Variants in PDLIM3 observed in about 807,000 individuals in gnomAD.
PDLIM3 encodes the protein PDZ and LIM domain protein 3.
PDLIM3 carries 36 observed loss-of-function variants against 37.3 expected under a neutral mutation model. The observed-to-expected ratio is 0.97, with a 90% CI of 0.74 to 1.28. The LOEUF is 1.28. Among genes scored for constraint, PDLIM3 ranks in the 50% most tolerant of loss-of-function variants. PDLIM3 has a pLI of 0.00. For synonymous variants in PDLIM3, 174 were observed against 182.4 expected, an observed-to-expected ratio of 0.95 and a Z score of 0.37; for missense variants, 454 against 485.0, an observed-to-expected ratio of 0.94 and a Z score of 0.60.
At chr4:185,534,493 A>G (rs2095749987) in intron 1 of PDLIM3, among the ~76,000 whole-genome samples, 1 of 152,268 alleles carries the variant, frequency 6.6e-6, no homozygotes, top group Non-Finnish European at 1.5e-5. Context: ...GCTAGACCAA[A>G]TAATGCTTTA....
intron 1 of PDLIM3, among the ~76,000 whole-genome samples, chr4:185,531,680 A>G (rs1191978998): frequency 6.6e-6 from 1 of 152,176 alleles, no homozygotes; most frequent in Non-Finnish European, 1.5e-5. Context: ...TATAGCTTGT[A>G]GGAGGACAAA....
intron 7 of PDLIM3, among the ~76,000 whole-genome samples, chr4:185,503,769 G>A (rs545157481): frequency 7.9e-5 from 12 of 152,280 alleles, no homozygotes; most frequent in Admixed American, 6.5e-4. Context: ...CCAACACGGT[G>A]AAACCCCCTC....
chr4:185,510,893 C>T (rs910077690), intron 4 of PDLIM3, among the ~76,000 whole-genome samples: 11 of 152,186 alleles, frequency 7.2e-5, no homozygotes, highest in African/African-American at 1.9e-4. Context: ...TTTAAGTAAA[C>T]GAGTTTTCAT....
At chr4:185,530,167 C>T (rs536419827) in intron 1 of PDLIM3, among the ~76,000 whole-genome samples, 23 of 152,320 alleles carry the variant, frequency 1.5e-4, no homozygotes, top group Admixed American at 1.1e-3. Context: ...ACCAGTACTT[C>T]CACGTAGACA....
intron 3 of PDLIM3, chr4:185,515,062 T>C: frequency 1.9e-6 from 1 of 537,240 alleles, no homozygotes; most frequent in East Asian, 3.0e-5. Context: ...CTCTGAGCTT[T>C]ACATGTGCTA....
chr4:185,503,205 CAG>C (rs1294938991), intron 7 of PDLIM3, among the ~76,000 whole-genome samples: 2 of 151,586 alleles, frequency 1.3e-5, no homozygotes, highest in South Asian at 2.1e-4. Context: ...GCCTGGGCGA[CAG>C]AGCGAGACTG....
chr4:185,522,770 A>C (rs979133487), intron 3 of PDLIM3, among the ~76,000 whole-genome samples: 1 of 66,986 alleles, frequency 1.5e-5, no homozygotes, highest in African/African-American at 2.7e-5. Flanking sequence ...TCAGATGATT[A>C]GTTTAGTTTA....
chr4:185,511,767 G>A (rs1190665152), intron 4 of PDLIM3, among the ~76,000 whole-genome samples: 1 of 152,204 alleles, frequency 6.6e-6, no homozygotes, highest in Non-Finnish European at 1.5e-5. Context: ...AACTAGAGGA[G>A]TGGATGTGGA....
rs1278977144 is a variant in PDLIM3 at position 185,514,685 on chromosome 4, A to G, written c.331-348T>C. 10 of 1,550,036 alleles carry G rather than the reference A, an allele frequency of 6.5e-6. No homozygotes were observed. In the South Asian group the frequency reaches 1.1e-4, roughly 17 times the overall value. On this transcript the variant is annotated intron_variant, in intron 3 of 7. Transcript: ENST00000284767. This position sits in a 1 kb window ranked among gnomAD's most constrained non-coding sequence, Gnocchi z 4.0. ...CACTGTTAGGTACACTGTGGCCAGA[A>G]CAGAGCCGGATACTTACTTTTGAGG... is the stretch of plus-strand genomic sequence containing the variant.
chr4:185,508,600 G>A (rs376747908), intron 4 of PDLIM3, 38 bp from the exon 5 acceptor site: 12 of 1,610,810 alleles, frequency 7.4e-6, no homozygotes, highest in East Asian at 2.2e-5. Context: ...AGATGGCACC[G>A]GGAGCCAGAC....
intron 6 of PDLIM3, among the ~76,000 whole-genome samples, chr4:185,506,019 A>ACC (rs1022002059): frequency 6.6e-6 from 1 of 151,472 alleles, no homozygotes; most frequent in Non-Finnish European, 1.5e-5. Flanking sequence ...TCACAAGGCC[A>ACC]CCCGCCCATC....
chr4:185,520,698 C>T (rs79336814), intron 3 of PDLIM3, among the ~76,000 whole-genome samples: 1,015 of 66,006 alleles, frequency 0.015, 213 homozygotes, highest in African/African-American at 0.027. Context: ...GAGATGTTAG[C>T]AAAACGTGGG....
chr4:185,518,426 T>C (rs983103249), intron 3 of PDLIM3, among the ~76,000 whole-genome samples: 1 of 151,954 alleles, frequency 6.6e-6, no homozygotes, highest in Non-Finnish European at 1.5e-5. Context: ...GATTCATAGA[T>C]ATACACACAT....
At position 185,502,428 on chromosome 4, in the gene PDLIM3, C is replaced by G; in HGVS notation, c.961G>C (p.Ala321Pro). 6.2e-7 allele frequency: 1 copy of G among 1,614,212 alleles called. No individual in the cohort carries two copies. Among genetic ancestry groups the G allele is most frequent in the East Asian group, 2.2e-5 (1 of 44,878 alleles). ...TGCTTGAGGTTGAGGTTGCAGTCGG[C>G]ACACACGAAGCACTCAGGGTGCCGG... ...KYRHPECFVC[A>P]DCNLNLKQKG... Residue 321 changes from alanine (A) to proline (P), a missense_variant, in exon 8 of 8, where the codon GCC becomes CCC. Coordinates refer to ENST00000284767, the MANE Select transcript of PDLIM3 (RefSeq NM_014476.6).
intron 1 of PDLIM3, among the ~76,000 whole-genome samples, chr4:185,527,740 G>C (rs189014872): frequency 2.6e-5 from 4 of 152,230 alleles, no homozygotes; most frequent in Admixed American, 1.3e-4. Context: ...TCTAAGACTA[G>C]AATAATTTTC....
intron 4 of PDLIM3, among the ~76,000 whole-genome samples, chr4:185,509,135 G>T (rs1308129132): frequency 1.3e-5 from 2 of 152,122 alleles, no homozygotes; most frequent in Admixed American, 6.5e-5. Context: ...GTAACTTGTA[G>T]GTTTTATGGT....
Position 185,514,665 on chromosome 4 carries a change from T to C in PDLIM3, c.331-328A>G, listed in dbSNP as rs763091492. The C allele has an allele frequency of 2.6e-6, 4 of 1,524,160 alleles. No individual in the cohort carries two copies. The South Asian group carries it at 4.9e-5, about 19-fold the overall frequency. The allele number at this position is 1,524,160 out of a possible 1,614,324, so 94.4% of individuals were successfully genotyped here. ...AAGAAAAGAAACCATGCTATCACTGTTAGGTACACTGTGGCCAGAACAGAG... is the reference window on the plus strand; with the variant it reads ...AAGAAAAGAAACCATGCTATCACTGCTAGGTACACTGTGGCCAGAACAGAG... On this transcript the variant is annotated intron_variant, in intron 3 of 7. Transcript: ENST00000284767. The surrounding 1 kb of genome is among the most constrained non-coding windows in gnomAD (Gnocchi z 4.0).
intron 4 of PDLIM3, among the ~76,000 whole-genome samples, chr4:185,508,799 C>G (rs540954644): frequency 4.6e-4 from 70 of 152,312 alleles, no homozygotes; most frequent in African/African-American, 1.4e-3. Context: ...ACAGGTGATA[C>G]TGCATTTTTT....
chr4:185,512,614 A>G, intron 4 of PDLIM3: 2 of 945,524 alleles, frequency 2.1e-6, no homozygotes, highest in Non-Finnish European at 2.5e-6. Flanking sequence ...ATAAAATTAA[A>G]TGTTATAGGT....
Sources: gnomAD v4.1 joint callset for allele counts (sites outside exome capture counted in the v4.1 genomes callset) on GRCh38, gnomAD v4.1.1 for gene constraint, Gnocchi (gnomAD v3.1) non-coding constraint, MANE v1.5 for transcripts, NCBI Gene and HGNC (gene_info 2026-07-23, HGNC 2026-07-21) for gene names.